PABPC4: variants seen among roughly 807,000 people sequenced by gnomAD.
PABPC4 encodes polyadenylate-binding protein 4.
A neutral mutation model predicts 74.5 loss-of-function variants in PABPC4; 15 were observed. That is an observed-to-expected ratio of 0.20 (90% CI 0.13 to 0.31). The LOEUF (loss-of-function observed/expected upper bound fraction) is 0.31. Among genes scored for constraint, PABPC4 ranks in the 10% least tolerant of loss-of-function variants. PABPC4 has a pLI of 1.00. For synonymous variants in PABPC4, 345 were observed against 303.0 expected (o/e 1.14, Z -1.44); for missense variants, 610 against 853.5 (o/e 0.71, Z 3.55).
intron 8 of PABPC4, 104 bp downstream of exon 8, chr1:39,565,002 G>A: frequency 7.9e-7 from 1 of 1,261,548 alleles, no homozygotes; most frequent in African/African-American, 1.5e-5. Context: ...GGTCCTTATT[G>A]TGACATTCTA....
intron 7 of PABPC4, among the ~76,000 whole-genome samples, chr1:39,565,867 A>AC (rs1645830788): frequency 6.6e-6 from 1 of 150,642 alleles, no homozygotes; most frequent in African/African-American, 2.4e-5. Context: ...ACAAAACAAA[A>AC]ACACCAACCA....
chr1:39,563,512 G>A (rs1174758526), intron 12 of PABPC4, 102 bp downstream of exon 12: 4 of 1,361,066 alleles, frequency 2.9e-6, no homozygotes, highest in Non-Finnish European at 4.0e-6. Flanking sequence ...ATAACACAGA[G>A]CAGGCATTTA....
At chr1:39,574,892 C>T (rs757477176) in intron 1 of PABPC4, among the ~76,000 whole-genome samples, 7 of 152,236 alleles carry the variant, frequency 4.6e-5, no homozygotes, top group Non-Finnish European at 1.0e-4. Flanking sequence ...ATGCTCCACG[C>T]TAAGGCCACA....
intron 7 of PABPC4, 58 bp downstream of exon 7, chr1:39,567,693 G>A (rs996676852): frequency 4.7e-6 from 4 of 852,878 alleles, no homozygotes; most frequent in South Asian, 2.8e-5. Context: ...TGGGACAAAT[G>A]CCAATAAGCC....
chr1:39,560,878 A>G lies in PABPC4; in HGVS notation c.*258T>C. Reference sequence around the variant, plus strand: ...GACTTGGGTACATCAAATAAAACCAATTTCTGGGGGAAAAAATCAAAACCC... The same window carrying G: ...GACTTGGGTACATCAAATAAAACCAGTTTCTGGGGGAAAAAATCAAAACCC... On this transcript the variant is annotated 3_prime_UTR_variant, in exon 16 of 16. Coordinates refer to ENST00000372858, the MANE Select transcript of PABPC4 (RefSeq NM_001135653.2). 4.9e-6 allele frequency: 1 copy of G among 205,278 alleles called. No homozygotes were observed. Among genetic ancestry groups the G allele is most frequent in the Non-Finnish European group, 1.0e-5 (1 of 96,208 alleles). 12.7% of individuals were successfully genotyped at this position (205,278 alleles called of 1,614,324 possible). A position where few individuals can be genotyped will look rare whatever the true frequency, so the allele number is the denominator to read the frequency against.
chr1:39,568,967 T>C, intron 5 of PABPC4, 28 bp from the exon 6 acceptor site: 1 of 1,597,580 alleles, frequency 6.3e-7, no homozygotes, highest in Non-Finnish European at 8.5e-7. Flanking sequence ...GTCTTTAAAA[T>C]AAAGTTGCAG....
chr1:39,565,497 G>A (rs937314796), intron 7 of PABPC4, 119 bp from the exon 8 acceptor site: 7 of 999,054 alleles, frequency 7.0e-6, no homozygotes, highest in Admixed American at 6.8e-5. Flanking sequence ...AGCTCAGGAG[G>A]TTGAGACCAG....
Position 39,569,881 on chromosome 1 carries a change from C to T in PABPC4, c.625G>A (p.Glu209Lys). The T allele has an allele frequency of 6.2e-7, 1 of 1,614,084 alleles. No individual in the cohort carries two copies. The highest frequency in any genetic ancestry group is 1.6e-4 in the Middle Eastern group (1 of 6,062). ...AACTTACCAAACTGACTGAATAGCT[C>T]TTTCAGACTCTCATCATCCACCTCT... ...GEEVDDESLK[E>K]LFSQFGKTLS... The change falls in exon 4 of 16, where the codon GAG becomes AAG. Residue 209 changes from glutamate to lysine, a missense_variant. By Grantham distance (56) the Glu-to-Lys change is moderately conservative. Coordinates refer to ENST00000372858, the MANE Select transcript of PABPC4 (RefSeq NM_001135653.2).
At chr1:39,570,490 AG>A in intron 3 of PABPC4, 1 of 156,278 alleles carries the variant, frequency 6.4e-6, no homozygotes, top group East Asian at 1.9e-4. Flanking sequence ...TGATATCTGT[AG>A]ATCAACCACT....
chr1:39,562,671 A>G (rs1254905518), intron 12 of PABPC4: 2 of 422,192 alleles, frequency 4.7e-6, no homozygotes, highest in Admixed American at 8.0e-5. Flanking sequence ...CGTAAATAAT[A>G]AAACAAACCT....
intron 3 of PABPC4, 174 bp downstream of exon 3, chr1:39,571,059 GT>G: frequency 6.7e-7 from 1 of 1,492,518 alleles, no homozygotes; most frequent in Admixed American, 2.2e-5. Context: ...ACCTTGGCGA[GT>G]CAAAAGGGCT....
At chr1:39,570,143 AC>A (rs1243464505) in intron 3 of PABPC4, 141 bp from the exon 4 acceptor site, 1 of 785,842 alleles carries the variant, frequency 1.3e-6, no homozygotes. Context: ...GCTCAGAGAT[AC>A]CCCAAGTCCC....
rs1013103533 is a variant in PABPC4 at position 39,576,655 on chromosome 1, G to C, written c.-704C>G. On this transcript the variant is annotated 5_prime_UTR_variant, in exon 1 of 16. In the 5' UTR this introduces an upstream ATG that the reference lacks. Coordinates refer to ENST00000372858, the MANE Select transcript of PABPC4 (RefSeq NM_001135653.2). ...GTGACTTCCCCGCGGGTTCTCCGAG[G>C]ATTCGTTTTTTCTTTTCCTTTTTTT... 4 of 149,370 alleles carry C rather than the reference G, an allele frequency of 2.7e-5. No homozygotes were observed. The highest frequency in any genetic ancestry group is 9.7e-5 in the African/African-American group (4 of 41,124). The allele number at this position is 149,370 out of a possible 1,614,324, so 9.3% of individuals were successfully genotyped here. A position where few individuals can be genotyped will look rare whatever the true frequency, so the allele number is the denominator to read the frequency against.
Position 39,565,314 on chromosome 1 carries a change from G to T in PABPC4, c.1037C>A (p.Ala346Glu). 2 of 1,614,062 alleles carry T rather than the reference G, an allele frequency of 1.2e-6. No homozygotes were observed. The highest frequency in any genetic ancestry group is 1.7e-6 in the Non-Finnish European group (2 of 1,180,022). ...GFVCFSSPEE[A>E]TKAVTEMNGR... ...ATTCATCTCAGTGACTGCTTTGGTT[G>T]CTTCTTCAGGAGATGAGAAGCAGAC... The change falls in exon 8 of 16, where the codon GCA (alanine) becomes GAA (glutamate). Residue 346 changes from alanine to glutamate, a missense_variant. By Grantham distance (107) the Ala-to-Glu change is moderately radical. Around this residue, in one of 4 missense-constraint regions of PABPC4, gnomAD observed 304 missense variants for 478.9 expected, o/e 0.63. Transcript: ENST00000372858.
intron 6 of PABPC4, 130 bp downstream of exon 6, chr1:39,568,672 C>T (rs1645890071): frequency 1.2e-6 from 1 of 834,994 alleles, no homozygotes; most frequent in South Asian, 1.7e-5. Flanking sequence ...TTTTAAACCT[C>T]ATCTTTTTAG....
chr1:39,564,126 G>A, intron 10 of PABPC4: 1 of 615,374 alleles, frequency 1.6e-6, no homozygotes, highest in African/African-American at 1.8e-5. Flanking sequence ...CTGTTTCCTT[G>A]TATTCCTCAC....
rs749441980 is a variant in PABPC4, at chr1:39,568,945, G to A, written c.739-6C>T. 3 of 1,606,542 alleles carry A rather than the reference G, an allele frequency of 1.9e-6. No homozygotes were observed. Among genetic ancestry groups the A allele is most frequent in the East Asian group, 2.2e-5 (1 of 44,772 alleles). Reference sequence around the variant, plus strand: ...CCATTCATCTCTTCCACAGCCTAGAGAGGAAAAATATGTCTTTAAAATAAA... The same window carrying A: ...CCATTCATCTCTTCCACAGCCTAGAAAGGAAAAATATGTCTTTAAAATAAA... On this transcript the variant is annotated splice_polypyrimidine_tract_variant and splice_region_variant and intron_variant, in intron 5 of 15. Transcript: ENST00000372858.
Position 39,571,309 on chromosome 1 carries a change from AC to A in PABPC4, c.427del (p.Val143SerfsTer16). 1 of 1,614,182 alleles carries A rather than the reference AC, an allele frequency of 6.2e-7. No individual in the cohort carries two copies. On this transcript the variant is annotated frameshift_variant, in exon 3 of 16. Transcript: ENST00000372858. LOFTEE classifies it high-confidence loss of function. ...DENGSKGYAFVHFETQEAADK... is the reference protein window; with the variant it reads ...DENGSKGYAFXHFETQEAADK... Reference sequence around the variant, plus strand: ...GGCAGCCTCTTGGGTCTCGAAGTGGACAAAGGCATAACCCTTAGAGCCGTTC... The same window carrying A: ...GGCAGCCTCTTGGGTCTCGAAGTGGAAAAGGCATAACCCTTAGAGCCGTTC...
chr1:39,562,104 A>AAC lies in PABPC4; in HGVS notation c.1861_1862insGT (p.Met621SerfsTer3). 1 of 1,613,570 alleles carries AAC rather than the reference A, an allele frequency of 6.2e-7. No individual in the cohort carries two copies. On this transcript the variant is annotated frameshift_variant, in exon 14 of 16. Coordinates refer to ENST00000372858, the MANE Select transcript of PABPC4 (RefSeq NM_001135653.2). LOFTEE classifies it high-confidence loss of function. Reference sequence around the variant, plus strand: ...GCGGAGAGACTCGGGGGACTCTAACATGTGCAGCAGCTCAGAGTTGTCTAT... The same window carrying AAC: ...GCGGAGAGACTCGGGGGACTCTAACAACTGTGCAGCAGCTCAGAGTTGTCTAT...
Sources: allele counts gnomAD v4.1 joint callset (sites outside exome capture counted in the v4.1 genomes callset), GRCh38; gene constraint gnomAD v4.1.1; regional missense constraint gnomAD v4.1.1; transcripts MANE v1.5; gene names NCBI Gene and HGNC (gene_info 2026-07-23, HGNC 2026-07-21).